The following DLG2 variants were observed in gnomAD, a reference collection of about 807,000 sequenced individuals.
DLG2 encodes the protein disks large homolog 2.
DLG2 carries 45 observed loss-of-function variants against 132.5 expected under a neutral mutation model. The observed-to-expected ratio is 0.34, with a 90% CI of 0.27 to 0.44. The LOEUF is 0.44. Among genes scored for constraint, DLG2 ranks in the 20% least tolerant of loss-of-function variants. The pLI is 1.00. For synonymous variants in DLG2, 424 were observed against 419.6 expected, an observed-to-expected ratio of 1.01 and a Z score of -0.13; for missense variants, 1,045 against 1,196.9, an observed-to-expected ratio of 0.87 and a Z score of 1.87.
chr11:84,823,603 ACAC>A (rs1566061556), intron 6 of DLG2, among the ~76,000 whole-genome samples: 76 of 150,680 alleles, frequency 5.0e-4, no homozygotes, highest in African/African-American at 1.8e-3. Flanking sequence ...ACACACACAC[ACAC>A]ACACACACAC....
chr11:84,790,257 T>A lies in DLG2; in HGVS notation c.358-255526A>T, dbSNP rs187377642. ...ATCCTCTCCAGCATTTGTTATTGCCTGCCTTTTGGATAAAAGCCATTTTAA... is the reference window on the plus strand; with the variant it reads ...ATCCTCTCCAGCATTTGTTATTGCCAGCCTTTTGGATAAAAGCCATTTTAA... On this transcript the variant is annotated intron_variant, in intron 6 of 27. Coordinates refer to ENST00000376104, the MANE Select transcript of DLG2 (RefSeq NM_001142699.3). Among the ~76,000 whole-genome samples the A allele has an allele frequency of 2.0e-5, 3 of 152,326 alleles. No homozygotes were observed. In the East Asian group the frequency reaches 5.8e-4, roughly 29 times the overall value.
At chr11:83,951,591 A>G (rs1234780069) in intron 14 of DLG2, among the ~76,000 whole-genome samples, 2 of 152,176 alleles carry the variant, frequency 1.3e-5, no homozygotes, top group African/African-American at 4.8e-5. Flanking sequence ...AAAAACATTC[A>G]AGGCAGAAGG....
At chr11:83,948,430 T>A (rs1276823597) in intron 14 of DLG2, among the ~76,000 whole-genome samples, 1 of 152,158 alleles carries the variant, frequency 6.6e-6, no homozygotes, top group Non-Finnish European at 1.5e-5. Context: ...CATTAAGGAC[T>A]GACTCCCCAC....
rs191418558 is a variant in DLG2, at chr11:84,952,193, A to G, written c.357+159468T>C. Among the ~76,000 whole-genome samples the G allele has an allele frequency of 2.6e-5, 4 of 152,334 alleles. No homozygotes were observed. The East Asian group carries it at 7.7e-4, about 29-fold the overall frequency. On this transcript the variant is annotated intron_variant, in intron 6 of 27. Coordinates refer to ENST00000376104, the MANE Select transcript of DLG2 (RefSeq NM_001142699.3). Reference sequence around the variant, plus strand: ...CAAAAGAAATCTAAGACGTAAAGTAACTCACTGCCTCTAATGTGCCCCTCC... The same window carrying G: ...CAAAAGAAATCTAAGACGTAAAGTAGCTCACTGCCTCTAATGTGCCCCTCC...
intron 6 of DLG2, among the ~76,000 whole-genome samples, chr11:84,641,496 G>A (rs1274819917): frequency 2.6e-5 from 4 of 152,068 alleles, no homozygotes; most frequent in African/African-American, 9.7e-5. Flanking sequence ...CAAGCTCAAA[G>A]CCTAATGATG....
rs773282843 is a variant in DLG2 at position 83,956,237 on chromosome 11, C to T, written c.1340+6648G>A. ...GACCTCATTCTTCATGGATGCTGGA[C>T]GAGAGCTTGGGACCACTGAGTGCAG... On this transcript the variant is annotated intron_variant, in intron 14 of 27. Transcript: ENST00000376104. Among the ~76,000 whole-genome samples, 124 of 152,238 alleles carry T rather than the reference C, an allele frequency of 8.1e-4. 1 individual carries two copies. Among genetic ancestry groups the T allele is most frequent in the African/African-American group, 2.5e-3 (105 of 41,550 alleles).
intron 7 of DLG2, among the ~76,000 whole-genome samples, chr11:84,506,426 G>A (rs866438940): frequency 9.2e-5 from 14 of 152,182 alleles, no homozygotes; most frequent in Middle Eastern, 3.4e-3. Flanking sequence ...AAGCACAGTC[G>A]GAGAGAAATT....
chr11:84,866,902 G>T (rs1385692436), intron 6 of DLG2, among the ~76,000 whole-genome samples: 1 of 152,262 alleles, frequency 6.6e-6, no homozygotes, highest in South Asian at 2.1e-4. Flanking sequence ...TTTTCTCTGT[G>T]TTATATCTGT....
At chr11:85,154,728 C>T (rs957719726) in intron 4 of DLG2, 77 bp from the exon 5 acceptor site, 17 of 710,850 alleles carry the variant, frequency 2.4e-5, no homozygotes, top group African/African-American at 5.4e-5. Context: ...TTTGAATATA[C>T]ACATTAAAAT....
At chr11:84,847,217 A>G (rs1246449141) in intron 6 of DLG2, among the ~76,000 whole-genome samples, 1 of 152,224 alleles carries the variant, frequency 6.6e-6, no homozygotes, top group Admixed American at 6.6e-5. Context: ...AGCATGCAGA[A>G]GCCAAGAAGG....
chr11:85,279,853 C>T (rs894999598), intron 4 of DLG2, among the ~76,000 whole-genome samples: 3 of 152,122 alleles, frequency 2.0e-5, no homozygotes, highest in Non-Finnish European at 4.4e-5. Context: ...CTCCCTTTGT[C>T]TTCTGGAGCC....
At chr11:84,871,067 T>C (rs1313509109) in intron 6 of DLG2, among the ~76,000 whole-genome samples, 1 of 152,210 alleles carries the variant, frequency 6.6e-6, no homozygotes, top group African/African-American at 2.4e-5. Flanking sequence ...GGCTGGGACA[T>C]GTTCTGTTTC....
chr11:84,650,426 A>C (rs1304573260), intron 6 of DLG2, among the ~76,000 whole-genome samples: 1 of 152,208 alleles, frequency 6.6e-6, no homozygotes, highest in Non-Finnish European at 1.5e-5. Context: ...ATTATGGAGA[A>C]ATTGGACATC....
At chr11:84,623,615 T>C (rs567716614) in intron 6 of DLG2, among the ~76,000 whole-genome samples, 1 of 152,334 alleles carries the variant, frequency 6.6e-6, no homozygotes, top group South Asian at 2.1e-4. Context: ...ACTCTGTACA[T>C]CATTCTTCTG....
At position 84,964,651 on chromosome 11, in the gene DLG2, A is replaced by G. The variant is rs958157252; in HGVS notation, c.357+147010T>C. ...ATTCAATGAGCATTAAATGAATATT[A>G]AATGTGCAGGCACTGATGTAAAAAT... is the stretch of plus-strand genomic sequence containing the variant. On this transcript the variant is annotated intron_variant, in intron 6 of 27. Transcript: ENST00000376104. 7.2e-5 allele frequency among the ~76,000 whole-genome samples: 11 copies of G among 152,268 alleles called. No individual in the cohort carries two copies. The South Asian group carries it at 1.2e-3, about 17-fold the overall frequency.
intron 6 of DLG2, among the ~76,000 whole-genome samples, chr11:84,967,819 T>C (rs1180077337): frequency 6.6e-6 from 1 of 152,138 alleles, no homozygotes; most frequent in Non-Finnish European, 1.5e-5. Flanking sequence ...ATTTTTGCAA[T>C]CATTAAACCT....
At chr11:85,250,147 T>C (rs918381216) in intron 4 of DLG2, among the ~76,000 whole-genome samples, 4 of 152,144 alleles carry the variant, frequency 2.6e-5, no homozygotes, top group African/African-American at 9.6e-5. Context: ...GCAAGGAGTA[T>C]GGTTCAGCAT....
At chr11:85,277,092 G>C (rs2077937126) in intron 4 of DLG2, among the ~76,000 whole-genome samples, 1 of 152,104 alleles carries the variant, frequency 6.6e-6, no homozygotes, top group African/African-American at 2.4e-5. Flanking sequence ...CAAGAACAAG[G>C]CTTAAGTAAA....
At chr11:85,387,093 G>C (rs891706447) in intron 3 of DLG2, among the ~76,000 whole-genome samples, 1 of 151,916 alleles carries the variant, frequency 6.6e-6, no homozygotes, top group African/African-American at 2.4e-5. Flanking sequence ...TCACCTGTCT[G>C]GTCAGGCTGG....
Sources: gnomAD v4.1 joint callset for allele counts (sites outside exome capture counted in the v4.1 genomes callset) on GRCh38, gnomAD v4.1.1 for gene constraint, MANE v1.5 for transcripts, NCBI Gene and HGNC (gene_info 2026-07-23, HGNC 2026-07-21) for gene names.